The following ZNF316 variants were observed in gnomAD, a reference collection of about 807,000 sequenced individuals.
ZNF316 encodes the protein zinc finger protein 316.
ZNF316 carries 23 observed loss-of-function variants against 75.6 expected under a neutral mutation model. The ratio of observed to expected loss-of-function variants is 0.30; its 90% CI spans 0.22 to 0.43. The LOEUF (loss-of-function observed/expected upper bound fraction) is 0.43, where lower values mean the gene tolerates loss of function less well. ZNF316 is among the 20% of genes least tolerant of loss of function. ZNF316 has a pLI of 1.00. For synonymous variants in ZNF316, 827 were observed against 666.2 expected (o/e 1.24, Z -3.72); for missense variants, 1,266 against 1,409.4 (o/e 0.90, Z 1.63).
rs913680093 is a variant in ZNF316 at position 6,655,631 on chromosome 7, C to T, written c.*1020C>T. 6.6e-6 allele frequency: 1 copy of T among 152,234 alleles called. No individual in the cohort carries two copies. The highest frequency in any genetic ancestry group is 1.5e-5 in the Non-Finnish European group (1 of 68,064). 9.4% of individuals were successfully genotyped at this position (152,234 alleles called of 1,614,324 possible). A position where few individuals can be genotyped will look rare whatever the true frequency, so the allele number is the denominator to read the frequency against. ...TGGTCGAAGGATCTTTCCCCACATC[C>T]CATAATCAGGGCCCTAGGACACTCG... is the stretch of plus-strand genomic sequence containing the variant. On this transcript the variant is annotated 3_prime_UTR_variant, in exon 9 of 9. Transcript: ENST00000382252.
Position 6,652,712 on chromosome 7 carries a change from C to T in ZNF316, c.1116C>T (p.Pro372=), listed in dbSNP as rs959849001. ...AGCGCTACCACGCGGCCGTCAAGCC[C>T]TTCGGCTGCGAGGAGTGCGGCAAGG... is the stretch of plus-strand genomic sequence containing the variant. ...KHQRYHAAVK[P]FGCEECGKGF... The change falls in exon 9 of 9, where the codon CCC becomes CCT. Residue 372 remains proline (P), a synonymous_variant. Coordinates refer to ENST00000382252, the MANE Select transcript of ZNF316 (RefSeq NM_001278559.2). 2.4e-6 allele frequency: 3 copies of T among 1,240,100 alleles called. No individual in the cohort carries two copies. Among genetic ancestry groups the T allele is most frequent in the Non-Finnish European group, 3.0e-6 (3 of 991,670 alleles). 76.8% of individuals were successfully genotyped at this position (1,240,100 alleles called of 1,614,324 possible).
rs1012050266 is a variant in ZNF316, at chr7:6,656,625, G to A, written c.*2014G>A. Among the ~76,000 whole-genome samples the A allele has an allele frequency of 6.6e-6, 1 of 152,226 alleles. No homozygotes were observed. Among genetic ancestry groups the A allele is most frequent in the South Asian group, 2.1e-4 (1 of 4,832 alleles). On this transcript the variant is annotated 3_prime_UTR_variant, in exon 9 of 9. Coordinates refer to ENST00000382252, the MANE Select transcript of ZNF316 (RefSeq NM_001278559.2). ...TGGCCCCGTGCTGCCCATGCCCACC[G>A]TATTCCTTGGTGGCCCCCACGCTGC...
chr7:6,652,918 G>C lies in ZNF316; in HGVS notation c.1322G>C (p.Arg441Pro). ...CAFCGAGFGR[R>P]SYLVTHQRTH... ...TTCTGCGGCGCGGGCTTCGGGCGCCGCTCCTACCTGGTCACGCACCAGCGC... is the reference window on the plus strand; with the variant it reads ...TTCTGCGGCGCGGGCTTCGGGCGCCCCTCCTACCTGGTCACGCACCAGCGC... The change falls in exon 9 of 9, where the codon CGC (arginine) becomes CCC (proline). Residue 441 changes from arginine (R) to proline (P), a missense_variant. Physicochemically the swap from Arg to Pro is moderately radical, Grantham distance 103. Around this residue, in one of 3 missense-constraint regions of ZNF316, gnomAD observed 961 missense variants for 990.9 expected, o/e 0.97. Coordinates refer to ENST00000382252, the MANE Select transcript of ZNF316 (RefSeq NM_001278559.2). 5 of 1,242,906 alleles carry C rather than the reference G, an allele frequency of 4.0e-6. No individual in the cohort carries two copies. The highest frequency in any genetic ancestry group is 5.0e-6 in the Non-Finnish European group (5 of 992,960). The allele number at this position is 1,242,906 out of a possible 1,614,324, so 77.0% of individuals were successfully genotyped here.
intron 8 of ZNF316, among the ~76,000 whole-genome samples, chr7:6,647,600 G>A (rs1448456714): frequency 6.6e-6 from 1 of 152,234 alleles, no homozygotes; most frequent in Non-Finnish European, 1.5e-5. Flanking sequence ...TCCAGGCCAG[G>A]CCCCAGTGGA....
At position 6,656,669 on chromosome 7, in the gene ZNF316, T is replaced by C. The variant is rs1235846743; in HGVS notation, c.*2058T>C. 2.6e-4 allele frequency among the ~76,000 whole-genome samples: 40 copies of C among 152,216 alleles called. No individual in the cohort carries two copies. Among genetic ancestry groups the C allele is most frequent in the Admixed American group, 2.6e-3 (40 of 15,288 alleles). ...ACGCTGCCCCACACTTGATGTAGTG[T>C]AAACACCTGACTTGGGGCATTACTT... is the stretch of plus-strand genomic sequence containing the variant. On this transcript the variant is annotated 3_prime_UTR_variant, in exon 9 of 9. Coordinates refer to ENST00000382252, the MANE Select transcript of ZNF316 (RefSeq NM_001278559.2).
chr7:6,646,300 A>G (rs1779402022), intron 8 of ZNF316, among the ~76,000 whole-genome samples: 1 of 152,194 alleles, frequency 6.6e-6, no homozygotes. Context: ...TTGGCAAGAA[A>G]GATCACTGCT....
In ZNF316 at chr7:6,653,638, C is replaced by G. The variant is rs1779561585; in HGVS notation, c.2042C>G (p.Pro681Arg). 3 of 1,064,800 alleles carry G rather than the reference C, an allele frequency of 2.8e-6. No individual in the cohort carries two copies. Among genetic ancestry groups the G allele is most frequent in the Non-Finnish European group, 3.4e-6 (3 of 879,692 alleles). 66.0% of individuals were successfully genotyped at this position (1,064,800 alleles called of 1,614,324 possible). ...AIGGLLAEPAPAALAEEESPW... is the reference protein window; with the variant it reads ...AIGGLLAEPARAALAEEESPW... ...GGGGGTCTGCTGGCGGAGCCCGCGC[C>G]GGCCGCGCTGGCGGAGGAGGAGAGC... The change falls in exon 9 of 9, where the codon CCG becomes CGG. Residue 681 changes from proline (P) to arginine (R), a missense_variant. Physicochemically the swap from Pro to Arg is moderately radical, Grantham distance 103. This residue lies in a region of ZNF316 where 961 missense variants were observed against 990.9 expected (regional missense o/e 0.97). Transcript: ENST00000382252.
At chr7:6,647,591 C>G (rs938045554) in intron 8 of ZNF316, among the ~76,000 whole-genome samples, 7 of 152,232 alleles carry the variant, frequency 4.6e-5, no homozygotes, top group Non-Finnish European at 1.0e-4. Flanking sequence ...AGCCTGCGCT[C>G]CAGGCCAGGC....
At position 6,657,858 on chromosome 7, in the gene ZNF316, G is replaced by T. The variant is rs540813628; in HGVS notation, c.*3247G>T. Among the ~76,000 whole-genome samples, 61 of 78,634 alleles carry T rather than the reference G, an allele frequency of 7.8e-4. No individual in the cohort carries two copies. The highest frequency in any genetic ancestry group is 2.3e-3 in the African/African-American group (56 of 24,654). The allele number at this position is 78,634 out of a possible 152,430, so 51.6% of individuals were successfully genotyped here. On this transcript the variant is annotated 3_prime_UTR_variant, in exon 9 of 9. Coordinates refer to ENST00000382252, the MANE Select transcript of ZNF316 (RefSeq NM_001278559.2). ...AAAAAAAAAAAAAAAAAAAAAAAAA[G>T]GTTCCCCGATAGAACTTATAGTTGA...
At position 6,642,498 on chromosome 7, in the gene ZNF316, A is replaced by G; in HGVS notation, c.89A>G (p.Glu30Gly). The stretch of plus-strand genomic sequence containing the variant: ...TCAGAGTGCGACCCTGACCAGGAAG[A>G]AGAGGAGGAGGAGGAGGAAAAGGGG... Reference protein sequence around the residue: ...DGSECDPDQEEEEEEEEKGEE... With the variant: ...DGSECDPDQEGEEEEEEKGEE... The change falls in exon 5 of 9, where the codon GAA becomes GGA. Residue 30 changes from glutamate to glycine, a missense_variant. Coordinates refer to ENST00000382252, the MANE Select transcript of ZNF316 (RefSeq NM_001278559.2). The surrounding 1 kb of genome is among the most constrained non-coding windows in gnomAD (Gnocchi z 8.1). The G allele has an allele frequency of 1.6e-6, 2 of 1,234,052 alleles. No individual in the cohort carries two copies. Among genetic ancestry groups the G allele is most frequent in the Admixed American group, 8.4e-5 (2 of 23,750 alleles). 76.4% of individuals were successfully genotyped at this position (1,234,052 alleles called of 1,614,324 possible).
rs1779560175 is a variant in ZNF316, at chr7:6,653,607, G to A, written c.2011G>A (p.Ala671Thr). Residue 671 changes from alanine to threonine, a missense_variant, in exon 9 of 9, where the codon GCC becomes ACC. Physicochemically the swap from Ala to Thr is moderately conservative, Grantham distance 58. This residue lies in a region of ZNF316 where 961 missense variants were observed against 990.9 expected (regional missense o/e 0.97). Coordinates refer to ENST00000382252, the MANE Select transcript of ZNF316 (RefSeq NM_001278559.2). ...AGGCGGCCTGCGCGCGTTCGGGCCC[G>A]CCATCGGGGGTCTGCTGGCGGAGCC... ...GGGGLRAFGP[A>T]IGGLLAEPAP... is the part of the protein sequence containing the mutation. The A allele has an allele frequency of 9.4e-7, 1 of 1,061,606 alleles. No individual in the cohort carries two copies. The highest frequency in any genetic ancestry group is 1.7e-5 in the African/African-American group (1 of 58,068). 65.8% of individuals were successfully genotyped at this position (1,061,606 alleles called of 1,614,324 possible). A position where few individuals can be genotyped will look rare whatever the true frequency, so the allele number is the denominator to read the frequency against.
At position 6,642,809 on chromosome 7, in the gene ZNF316, G is replaced by A. The variant is rs1178161209; in HGVS notation, c.355+45G>A. On this transcript the variant is annotated intron_variant, in intron 5 of 8. Transcript: ENST00000382252. This position sits in a 1 kb window ranked among gnomAD's most constrained non-coding sequence, Gnocchi z 8.1. ...TTGGGGAGGAGATGAAGGGGGCTGA[G>A]GTGGGCCAGGCCAGGGACCTGGTCA... 1 of 1,232,792 alleles carries A rather than the reference G, an allele frequency of 8.1e-7. No individual in the cohort carries two copies. Among genetic ancestry groups the A allele is most frequent in the African/African-American group, 1.6e-5 (1 of 64,420 alleles). 76.4% of individuals were successfully genotyped at this position (1,232,792 alleles called of 1,614,324 possible). A position where few individuals can be genotyped will look rare whatever the true frequency, so the allele number is the denominator to read the frequency against.
chr7:6,654,349 C>G lies in ZNF316; in HGVS notation c.2753C>G (p.Ala918Gly), dbSNP rs1206187606. The G allele has an allele frequency of 1.6e-6, 2 of 1,220,910 alleles. No homozygotes were observed. The highest frequency in any genetic ancestry group is 3.3e-5 in the East Asian group (1 of 30,608). 75.6% of individuals were successfully genotyped at this position (1,220,910 alleles called of 1,614,324 possible). The change falls in exon 9 of 9, where the codon GCC (alanine) becomes GGC (glycine). Residue 918 changes from alanine to glycine, a missense_variant. By Grantham distance (60) the Ala-to-Gly change is moderately conservative. Around this residue, in one of 3 missense-constraint regions of ZNF316, gnomAD observed 194 missense variants for 319.2 expected, o/e 0.61. Coordinates refer to ENST00000382252, the MANE Select transcript of ZNF316 (RefSeq NM_001278559.2). ...ACGGGCGAGCGGCCCTACGCCTGCGCCAACTGCGGCCGCCGCTTCTCGCAG... is the reference window on the plus strand; with the variant it reads ...ACGGGCGAGCGGCCCTACGCCTGCGGCAACTGCGGCCGCCGCTTCTCGCAG... Reference protein sequence around the residue: ...THTGERPYACANCGRRFSQSS... With the variant: ...THTGERPYACGNCGRRFSQSS...
rs531886101 is a variant in ZNF316, at chr7:6,654,023, C to T, written c.2427C>T (p.Gly809=). 14 of 1,192,710 alleles carry T rather than the reference C, an allele frequency of 1.2e-5. No homozygotes were observed. Among genetic ancestry groups the T allele is most frequent in the African/African-American group, 1.6e-5 (1 of 62,620 alleles). 73.9% of individuals were successfully genotyped at this position (1,192,710 alleles called of 1,614,324 possible). A position where few individuals can be genotyped will look rare whatever the true frequency, so the allele number is the denominator to read the frequency against. Residue 809 remains glycine (G), a synonymous_variant, in exon 9 of 9, where the codon GGC becomes GGT. Coordinates refer to ENST00000382252, the MANE Select transcript of ZNF316 (RefSeq NM_001278559.2). ...GGCCTTACGCGTGTGGAGAGTGCGGCCGGCGCTTCGGGCAGAGCGCGGCGC... is the reference window on the plus strand; with the variant it reads ...GGCCTTACGCGTGTGGAGAGTGCGGTCGGCGCTTCGGGCAGAGCGCGGCGC... The part of the protein sequence containing the change: ...GERPYACGEC[G]RRFGQSAALT...
rs1261475222 is a variant in ZNF316, at chr7:6,640,343, G to T, written c.-167+1202G>T. ...TACAGGAAGCATGGTGCTGGCATCT[G>T]CCTGGCTTCTAGGGAGCCTCAGGAA... On this transcript the variant is annotated intron_variant, in intron 3 of 8. Transcript: ENST00000382252. The surrounding 1 kb of genome is among the most constrained non-coding windows in gnomAD (Gnocchi z 5.1). Among the ~76,000 whole-genome samples the T allele has an allele frequency of 6.6e-6, 1 of 152,176 alleles. No individual in the cohort carries two copies. Among genetic ancestry groups the T allele is most frequent in the African/African-American group, 2.4e-5 (1 of 41,420 alleles).
chr7:6,645,122 C>T (rs188693492), intron 8 of ZNF316, among the ~76,000 whole-genome samples: 7 of 152,332 alleles, frequency 4.6e-5, no homozygotes, highest in Admixed American at 4.6e-4. Flanking sequence ...TGGTGAATTT[C>T]CCTGAAAGCC....
At position 6,653,529 on chromosome 7, in the gene ZNF316, G is replaced by A. The variant is rs186574282; in HGVS notation, c.1933G>A (p.Gly645Ser). The A allele has an allele frequency of 5.3e-4, 645 of 1,217,090 alleles. 2 individuals carry two copies. In the African/African-American group the frequency reaches 8.5e-3, roughly 16 times the overall value. The allele number at this position is 1,217,090 out of a possible 1,614,324, so 75.4% of individuals were successfully genotyped here. The change falls in exon 9 of 9, where the codon GGT becomes AGT. Residue 645 changes from glycine (G) to serine (S), a missense_variant. Coordinates refer to ENST00000382252, the MANE Select transcript of ZNF316 (RefSeq NM_001278559.2). ...PLGGPLSLVE[G>S]TGLACDPFGG... ...GGGGGGCCCGCTCTCCCTGGTGGAG[G>A]GTACCGGGCTGGCGTGCGACCCTTT...
Position 6,642,105 on chromosome 7 carries a change from C to T in ZNF316, c.-29+143C>T, listed in dbSNP as rs776046989. The T allele has an allele frequency of 2.6e-5, 8 of 303,320 alleles. No homozygotes were observed. The highest frequency in any genetic ancestry group is 4.3e-5 in the Non-Finnish European group (7 of 164,688). 18.8% of individuals were successfully genotyped at this position (303,320 alleles called of 1,614,324 possible). A position where few individuals can be genotyped will look rare whatever the true frequency, so the allele number is the denominator to read the frequency against. The stretch of plus-strand genomic sequence containing the variant: ...CTCCAGGAAAGAGCAGCAGTTCACA[C>T]CAGGCACGTAGTTCTTGGTGAAAAG... On this transcript the variant is annotated intron_variant, in intron 4 of 8. Coordinates refer to ENST00000382252, the MANE Select transcript of ZNF316 (RefSeq NM_001278559.2). This position sits in a 1 kb window ranked among gnomAD's most constrained non-coding sequence, Gnocchi z 8.1.
rs1054819692 is a variant in ZNF316 at position 6,640,466 on chromosome 7, T to C, written c.-167+1325T>C. On this transcript the variant is annotated intron_variant, in intron 3 of 8. Transcript: ENST00000382252. The surrounding 1 kb of genome is among the most constrained non-coding windows in gnomAD (Gnocchi z 5.1). ...GTGAGTGGGGAGGCGCCACACACTT[T>C]TAAAGACGACCAGATGTCCTGTGAA... is the stretch of plus-strand genomic sequence containing the variant. Among the ~76,000 whole-genome samples the C allele has an allele frequency of 2.0e-5, 3 of 152,074 alleles. No homozygotes were observed. Among genetic ancestry groups the C allele is most frequent in the Admixed American group, 2.0e-4 (3 of 15,278 alleles).
Sources: gnomAD v4.1 joint callset for allele counts (sites outside exome capture counted in the v4.1 genomes callset) on GRCh38, gnomAD v4.1.1 for gene constraint, gnomAD v4.1.1 regional missense constraint, Gnocchi (gnomAD v3.1) non-coding constraint, MANE v1.5 for transcripts, NCBI Gene and HGNC (gene_info 2026-07-23, HGNC 2026-07-21) for gene names.